Variants in VAT1L observed in about 807,000 individuals in gnomAD.
VAT1L encodes putative NADPH-dependent quinone oxidoreductase VAT1L.
VAT1L carries 34 observed loss-of-function variants against 44.1 expected under a neutral mutation model. The observed-to-expected ratio is 0.77, with a 90% CI of 0.59 to 1.03. VAT1L has a LOEUF of 1.03. Ranked by LOEUF, VAT1L falls within the 50% of genes least tolerant of loss-of-function variation. The pLI, the probability that VAT1L is intolerant of heterozygous loss-of-function variation, is 0.00. For missense variants in VAT1L, 615 were observed against 538.8 expected (o/e 1.14, Z -1.40); for synonymous variants, 253 against 202.2 (o/e 1.25, Z -2.13).
At chr16:77,945,464 T>C (rs1003969744) in intron 7 of VAT1L, among the ~76,000 whole-genome samples, 1 of 151,882 alleles carries the variant, frequency 6.6e-6, no homozygotes, top group Non-Finnish European at 1.5e-5. Flanking sequence ...TTTTTATATA[T>C]ATAGTTTTTG....
intron 7 of VAT1L, among the ~76,000 whole-genome samples, chr16:77,944,095 A>T (rs933154683): frequency 1.3e-5 from 2 of 152,052 alleles, no homozygotes; most frequent in African/African-American, 4.8e-5. Flanking sequence ...GACATTTTTG[A>T]TTCTCACAAC....
intron 7 of VAT1L, among the ~76,000 whole-genome samples, chr16:77,954,215 C>G (rs2018076544): frequency 6.6e-6 from 1 of 152,168 alleles, no homozygotes; most frequent in South Asian, 2.1e-4. Context: ...AGCTGAGATC[C>G]GATTTCTTGT....
chr16:77,976,675 A>G (rs1046939001), intron 8 of VAT1L, among the ~76,000 whole-genome samples: 18 of 152,320 alleles, frequency 1.2e-4, no homozygotes, highest in African/African-American at 4.1e-4. Context: ...AGTCTCTGTC[A>G]TATGCTCAGC....
intron 1 of VAT1L, among the ~76,000 whole-genome samples, chr16:77,809,449 C>G (rs955361414): frequency 2.5e-5 from 2 of 78,898 alleles, no homozygotes; most frequent in Admixed American, 1.3e-4. Flanking sequence ...AGAGTCCATT[C>G]TTTTTTGATC....
intron 7 of VAT1L, among the ~76,000 whole-genome samples, chr16:77,901,249 C>T (rs761743820): frequency 6.8e-6 from 1 of 147,052 alleles, no homozygotes; most frequent in African/African-American, 2.5e-5. Context: ...CTGCAAGCTC[C>T]GCCTCCTGGG....
chr16:77,853,668 A>G (rs1365114077), intron 3 of VAT1L, among the ~76,000 whole-genome samples: 6 of 152,096 alleles, frequency 3.9e-5, no homozygotes, highest in Non-Finnish European at 7.4e-5. Flanking sequence ...TTCTGATTCC[A>G]TAAGTCTGGG....
chr16:77,813,184 T>C (rs1362255997), intron 1 of VAT1L, among the ~76,000 whole-genome samples: 2 of 151,992 alleles, frequency 1.3e-5, no homozygotes, highest in Admixed American at 6.6e-5. Flanking sequence ...TTTTCTGTTG[T>C]GGTAGAAAAA....
chr16:77,907,097 A>G (rs1409034596), intron 7 of VAT1L, among the ~76,000 whole-genome samples: 3 of 152,126 alleles, frequency 2.0e-5, no homozygotes, highest in African/African-American at 4.8e-5. Flanking sequence ...CTAGCGGGGG[A>G]AAAAAAGCCC....
chr16:77,915,634 C>T (rs775969970), intron 7 of VAT1L, among the ~76,000 whole-genome samples: 14 of 152,234 alleles, frequency 9.2e-5, no homozygotes, highest in Non-Finnish European at 1.3e-4. Context: ...TAAGGAAAGG[C>T]CTAGAGGCAG....
chr16:77,919,407 C>T (rs1371841250), intron 7 of VAT1L, among the ~76,000 whole-genome samples: 1 of 152,206 alleles, frequency 6.6e-6, no homozygotes, highest in Non-Finnish European at 1.5e-5. Context: ...GTGAAGTGTT[C>T]AGCAACAGTG....
intron 1 of VAT1L, among the ~76,000 whole-genome samples, chr16:77,809,401 C>A (rs1038845274): frequency 6.6e-6 from 1 of 152,100 alleles, no homozygotes; most frequent in Non-Finnish European, 1.5e-5. Context: ...GGGATGCCTC[C>A]AACAGTCACA....
chr16:77,833,262 C>T (rs1054620880), intron 3 of VAT1L, among the ~76,000 whole-genome samples: 7 of 152,134 alleles, frequency 4.6e-5, no homozygotes, highest in African/African-American at 1.7e-4. Flanking sequence ...ATCAAATAGT[C>T]ACATGGATAA....
intron 1 of VAT1L, among the ~76,000 whole-genome samples, chr16:77,803,491 C>G (rs541584504): frequency 2.1e-5 from 3 of 139,802 alleles, no homozygotes; most frequent in Non-Finnish European, 4.5e-5. Flanking sequence ...GCGATCTCGG[C>G]TCACTGCAAG....
At chr16:77,964,206 ACCT>A (rs2018196365) in intron 7 of VAT1L, among the ~76,000 whole-genome samples, 1 of 151,680 alleles carries the variant, frequency 6.6e-6, no homozygotes, top group African/African-American at 2.4e-5. Flanking sequence ...CTCACCCATC[ACCT>A]CCTTAAACCC....
intron 4 of VAT1L, 94 bp downstream of exon 4, chr16:77,862,984 T>A: frequency 6.9e-7 from 1 of 1,439,028 alleles, no homozygotes; most frequent in African/African-American, 1.4e-5. Flanking sequence ...AATAATAATA[T>A]GTAGCAAACA....
intron 6 of VAT1L, chr16:77,882,249 A>T (rs975562588): frequency 6.6e-6 from 1 of 152,208 alleles, no homozygotes; most frequent in Non-Finnish European, 1.5e-5. Context: ...ATTATACAGG[A>T]ATTTCCCACT....
intron 3 of VAT1L, among the ~76,000 whole-genome samples, chr16:77,831,093 T>C (rs578257286): frequency 2.0e-5 from 3 of 152,342 alleles, no homozygotes; most frequent in Admixed American, 2.0e-4. Context: ...GGCAGAGTTA[T>C]CATCTACTGA....
intron 7 of VAT1L, among the ~76,000 whole-genome samples, chr16:77,887,734 G>A (rs775574128): frequency 2.0e-5 from 3 of 152,202 alleles, no homozygotes; most frequent in Non-Finnish European, 4.4e-5. Flanking sequence ...TGCATCATAT[G>A]CAGGCAGGTC....
At chr16:77,933,508 A>G (rs1357153681) in intron 7 of VAT1L, among the ~76,000 whole-genome samples, 1 of 152,248 alleles carries the variant, frequency 6.6e-6, no homozygotes, top group Admixed American at 6.5e-5. Flanking sequence ...ATAAAATAAC[A>G]AACAAGAAAA....
Sources: allele counts gnomAD v4.1 joint callset (sites outside exome capture counted in the v4.1 genomes callset), GRCh38; gene constraint gnomAD v4.1.1; transcripts MANE v1.5; gene names NCBI Gene and HGNC (gene_info 2026-07-23, HGNC 2026-07-21).